Variants in CCBE1 observed in about 807,000 individuals in gnomAD.
The protein encoded by CCBE1 is collagen and calcium-binding EGF domain-containing protein 1.
In CCBE1, 37 loss-of-function variants were observed where a neutral mutation model predicts 50.0. That is an observed-to-expected ratio of 0.74 (90% CI 0.57 to 0.97). The LOEUF is 0.97. Among genes scored for constraint, CCBE1 ranks in the 50% least tolerant of loss-of-function variants. The pLI, the probability that CCBE1 is intolerant of heterozygous loss-of-function variation, is 0.00. For synonymous variants in CCBE1, 234 were observed against 203.7 expected (o/e 1.15, Z -1.27); for missense variants, 538 against 523.8 (o/e 1.03, Z -0.26).
chr18:59,541,563 A>G (rs1268968207), intron 2 of CCBE1, among the ~76,000 whole-genome samples: 1 of 152,032 alleles, frequency 6.6e-6, no homozygotes, highest in African/African-American at 2.4e-5. Context: ...AAAGGGGGGT[A>G]TAGTTCTGAA....
intron 2 of CCBE1, among the ~76,000 whole-genome samples, chr18:59,559,299 G>A (rs1439611698): frequency 1.3e-5 from 2 of 152,316 alleles, no homozygotes; most frequent in Admixed American, 6.5e-5. Flanking sequence ...CCTGCAGGAC[G>A]CAGCACAGGG....
chr18:59,551,141 G>C (rs1170041817), intron 2 of CCBE1, among the ~76,000 whole-genome samples: 4 of 151,848 alleles, frequency 2.6e-5, no homozygotes, highest in African/African-American at 9.7e-5. Flanking sequence ...ATACATCAGA[G>C]CATACTTACA....
chr18:59,476,897 C>A (rs1372996331), intron 3 of CCBE1, among the ~76,000 whole-genome samples: 1 of 152,148 alleles, frequency 6.6e-6, no homozygotes, highest in African/African-American at 2.4e-5. Flanking sequence ...TCACAGGTCC[C>A]AGAATCAAGG....
At chr18:59,550,030 C>G (rs1232750479) in intron 2 of CCBE1, among the ~76,000 whole-genome samples, 2 of 152,226 alleles carry the variant, frequency 1.3e-5, no homozygotes, top group Non-Finnish European at 2.9e-5. Context: ...GGAATGGGCA[C>G]TTTCAGGAAT....
chr18:59,582,668 C>T (rs749453526), intron 2 of CCBE1, among the ~76,000 whole-genome samples: 2 of 152,124 alleles, frequency 1.3e-5, no homozygotes, highest in East Asian at 3.9e-4. Context: ...CTGGCAGCCA[C>T]CCCCCAGTCC....
intron 2 of CCBE1, among the ~76,000 whole-genome samples, chr18:59,536,675 T>A (rs77906410): frequency 6.6e-6 from 1 of 152,166 alleles, no homozygotes. Context: ...TCTCCATTTC[T>A]TGACACTAAG....
At position 59,435,025 on chromosome 18, in the gene CCBE1, A is replaced by G. The variant is rs1477691904; in HGVS notation, c.*883T>C. On this transcript the variant is annotated 3_prime_UTR_variant, in exon 11 of 11. Coordinates refer to ENST00000439986, the MANE Select transcript of CCBE1 (RefSeq NM_133459.4). ...TCTGCACCTCTCTCTAAGCTCAGCC[A>G]GTTTATTGAACAAATAATCTATATT... 1 of 152,252 alleles carries G rather than the reference A, an allele frequency of 6.6e-6. No homozygotes were observed. Among genetic ancestry groups the G allele is most frequent in the Non-Finnish European group, 1.5e-5 (1 of 68,056 alleles). 9.4% of individuals were successfully genotyped at this position (152,252 alleles called of 1,614,324 possible).
intron 2 of CCBE1, among the ~76,000 whole-genome samples, chr18:59,538,751 A>G (rs1056589035): frequency 5.9e-5 from 9 of 152,230 alleles, no homozygotes; most frequent in Non-Finnish European, 1.0e-4. Context: ...ATAGGCAGAC[A>G]TCTACAATGA....
intron 2 of CCBE1, among the ~76,000 whole-genome samples, chr18:59,578,882 G>A (rs1397438828): frequency 1.3e-5 from 2 of 152,122 alleles, no homozygotes; most frequent in African/African-American, 2.4e-5. Flanking sequence ...AAACCACCAT[G>A]GCACGAGTTT....
chr18:59,515,170 A>G (rs1008768734), intron 2 of CCBE1, among the ~76,000 whole-genome samples: 1 of 152,220 alleles, frequency 6.6e-6, no homozygotes, highest in Non-Finnish European at 1.5e-5. Context: ...AGAGTAGAAA[A>G]TGTACACGGT....
chr18:59,668,630 A>G (rs1433620534), intron 2 of CCBE1, among the ~76,000 whole-genome samples: 1 of 152,050 alleles, frequency 6.6e-6, no homozygotes, highest in East Asian at 1.9e-4. Flanking sequence ...TTCAGTTTAT[A>G]TTAAAAACAA....
intron 3 of CCBE1, among the ~76,000 whole-genome samples, chr18:59,472,681 G>T (rs1474015353): frequency 6.6e-6 from 1 of 152,172 alleles, no homozygotes; most frequent in Non-Finnish European, 1.5e-5. Context: ...CATGAACCTA[G>T]GGATGCCCAT....
intron 2 of CCBE1, among the ~76,000 whole-genome samples, chr18:59,585,418 A>G (rs1279815723): frequency 7.2e-5 from 11 of 151,992 alleles, no homozygotes; most frequent in Admixed American, 7.2e-4. Flanking sequence ...GCTCCTGAAA[A>G]TAAGAATCCT....
At chr18:59,671,809 G>A (rs187220684) in intron 2 of CCBE1, among the ~76,000 whole-genome samples, 3 of 126,282 alleles carry the variant, frequency 2.4e-5, no homozygotes, top group African/African-American at 6.2e-5. Context: ...ATGGTGGGAA[G>A]GTTAAAAAAA....
At chr18:59,685,999 G>A (rs759406801) in intron 2 of CCBE1, 2 of 152,174 alleles carry the variant, frequency 1.3e-5, no homozygotes, top group Non-Finnish European at 2.9e-5. Context: ...CTGGAGAGAG[G>A]CTCTGCAGAA....
chr18:59,577,133 T>C (rs2053009727), intron 2 of CCBE1, among the ~76,000 whole-genome samples: 1 of 151,854 alleles, frequency 6.6e-6, no homozygotes, highest in Non-Finnish European at 1.5e-5. Flanking sequence ...TTTCTGAGAG[T>C]GTTTAGCTGT....
rs373652074 is a variant in CCBE1, at chr18:59,433,891, C to CTTTTTTTTTTTTTTTTTTT, written c.*1998_*2016dup. The CTTTTTTTTTTTTTTTTTTT allele has an allele frequency of 1.4e-5, 1 of 70,054 alleles. No individual in the cohort carries two copies. The highest frequency in any genetic ancestry group is 6.1e-5 in the African/African-American group (1 of 16,452). The allele number at this position is 70,054 out of a possible 1,614,324, so 4.3% of individuals were successfully genotyped here. A position where few individuals can be genotyped will look rare whatever the true frequency, so the allele number is the denominator to read the frequency against. On this transcript the variant is annotated 3_prime_UTR_variant, in exon 11 of 11. Transcript: ENST00000439986. ...ACAGGCATGAGCCACCAAGCCCGGC[C>CTTTTTTTTTTTTTTTTTTT]TTTTTTTTTTTTTTTTTTTTTTTTT...
intron 2 of CCBE1, among the ~76,000 whole-genome samples, chr18:59,573,610 C>G (rs1158562971): frequency 6.6e-6 from 1 of 151,914 alleles, no homozygotes; most frequent in African/African-American, 2.4e-5. Flanking sequence ...CATTCACACT[C>G]TTTTCTCACC....
At chr18:59,442,676 C>A (rs773573424) in intron 7 of CCBE1, among the ~76,000 whole-genome samples, 1 of 151,860 alleles carries the variant, frequency 6.6e-6, no homozygotes, top group African/African-American at 2.4e-5. Context: ...TGCAGTGAGC[C>A]GAGATCATGC....
Sources: allele counts gnomAD v4.1 joint callset (sites outside exome capture counted in the v4.1 genomes callset), GRCh38; gene constraint gnomAD v4.1.1; transcripts MANE v1.5; gene names NCBI Gene and HGNC (gene_info 2026-07-23, HGNC 2026-07-21).